Variants in SUGT1 observed in about 807,000 individuals in gnomAD.
SUGT1 encodes the protein SGT1 assembly cochaperone of MIS12 kinetochore complex.
Under a neutral mutation model 56.1 loss-of-function variants are expected in SUGT1, and 15 were observed. That is an observed-to-expected ratio of 0.27 (90% CI 0.18 to 0.41). SUGT1 has a LOEUF of 0.41. SUGT1 is among the 10% of genes least tolerant of loss of function. The pLI, the probability that SUGT1 is intolerant of heterozygous loss-of-function variation, is 1.00. For missense variants in SUGT1, 347 were observed against 382.2 expected (o/e 0.91, Z 0.77); for synonymous variants, 123 against 128.6 (o/e 0.96, Z 0.30).
At chr13:52,661,217 T>C (rs773919218) in intron 5 of SUGT1, among the ~76,000 whole-genome samples, 9 of 152,252 alleles carry the variant, frequency 5.9e-5, no homozygotes, top group Non-Finnish European at 1.0e-4. Context: ...GTAAAATTGC[T>C]GTTGAGGATA....
chr13:52,658,594 T>G, intron 4 of SUGT1, 126 bp downstream of exon 4: 1 of 803,618 alleles, frequency 1.2e-6, no homozygotes, highest in Non-Finnish European at 1.8e-6. Flanking sequence ...ATAGCAGAGA[T>G]ATGATTCAAT....
chr13:52,672,545 A>G (rs1336298831), intron 10 of SUGT1, among the ~76,000 whole-genome samples: 1 of 152,220 alleles, frequency 6.6e-6, no homozygotes, highest in Non-Finnish European at 1.5e-5. Flanking sequence ...TTTTCAGACA[A>G]AGGAATTTGA....
In SUGT1 at chr13:52,680,114, G is replaced by A. The variant is rs968884056; in HGVS notation, c.859G>A (p.Asp287Asn). ...LNRLFQQIYS[D>N]GSDEVKRAMN... The stretch of plus-strand genomic sequence containing the variant: ...CAGATTATTTCAGCAGATCTATTCA[G>A]ATGGTTCTGATGAAGTGAAACGTGC... Residue 287 changes from aspartate (D) to asparagine (N), a missense_variant, in exon 12 of 13, where the codon GAT becomes AAT. Physicochemically the swap from Asp to Asn is conservative, Grantham distance 23. Transcript: ENST00000310528. 9 of 1,591,486 alleles carry A rather than the reference G, an allele frequency of 5.7e-6. No homozygotes were observed. The highest frequency in any genetic ancestry group is 7.7e-6 in the Non-Finnish European group (9 of 1,173,702).
intron 10 of SUGT1, among the ~76,000 whole-genome samples, chr13:52,669,641 TA>T (rs2138140248): frequency 6.6e-6 from 1 of 152,340 alleles, no homozygotes; most frequent in East Asian, 1.9e-4. Flanking sequence ...ACTTAGATTC[TA>T]AGGATGTGTC....
At chr13:52,679,624 A>G (rs1963289157) in intron 11 of SUGT1, among the ~76,000 whole-genome samples, 1 of 152,194 alleles carries the variant, frequency 6.6e-6, no homozygotes, top group African/African-American at 2.4e-5. Flanking sequence ...TGTCTCTGCA[A>G]CTTTTCTGAA....
chr13:52,670,619 C>T (rs1388344711), intron 10 of SUGT1, among the ~76,000 whole-genome samples: 1 of 152,132 alleles, frequency 6.6e-6, no homozygotes, highest in Non-Finnish European at 1.5e-5. Context: ...ACAGCCTGGT[C>T]AACTTGGTGA....
intron 2 of SUGT1, among the ~76,000 whole-genome samples, chr13:52,653,506 T>A (rs1566171163): frequency 6.6e-6 from 1 of 152,228 alleles, no homozygotes; most frequent in Non-Finnish European, 1.5e-5. Context: ...GAAGTCAGTC[T>A]ACTGGAGCAA....
chr13:52,686,321 T>C (rs1963588241), intron 12 of SUGT1, among the ~76,000 whole-genome samples: 1 of 152,224 alleles, frequency 6.6e-6, no homozygotes, highest in Non-Finnish European at 1.5e-5. Context: ...AGAACTACGA[T>C]ATGAATATTA....
rs1373416910 is a variant in SUGT1 at position 52,694,320 on chromosome 13, C to A, written c.*6485C>A. The A allele has an allele frequency of 1.3e-5, 2 of 152,114 alleles. No homozygotes were observed. Among genetic ancestry groups the A allele is most frequent in the African/African-American group, 4.8e-5 (2 of 41,428 alleles). 9.4% of individuals were successfully genotyped at this position (152,114 alleles called of 1,614,324 possible). ...GTTCAGTCTTTCAAGATGTGGAATT[C>A]TGTCTGAGGAAAGTATATCACCTAG... On this transcript the variant is annotated 3_prime_UTR_variant, in exon 13 of 13. Transcript: ENST00000310528.
At chr13:52,659,733 T>C (rs1291632304) in intron 5 of SUGT1, among the ~76,000 whole-genome samples, 1 of 146,318 alleles carries the variant, frequency 6.8e-6, no homozygotes, top group Non-Finnish European at 1.5e-5. Flanking sequence ...AGGGAATATA[T>C]GAAAAGTATC....
At chr13:52,670,838 C>G (rs775374449) in intron 10 of SUGT1, among the ~76,000 whole-genome samples, 1 of 152,062 alleles carries the variant, frequency 6.6e-6, no homozygotes, top group Admixed American at 6.6e-5. Flanking sequence ...AATTAGAATT[C>G]TCAGTCTTTT....
chr13:52,698,890 A>T lies in SUGT1; in HGVS notation c.*11055A>T, dbSNP rs1241693890. On this transcript the variant is annotated 3_prime_UTR_variant, in exon 13 of 13. Coordinates refer to ENST00000310528, the MANE Select transcript of SUGT1 (RefSeq NM_006704.5). ...CTTATTTTTAAAAATGTAGACCTTC[A>T]TTACTTTCCTCCTGAGATTTTGAAT... 1 of 152,170 alleles carries T rather than the reference A, an allele frequency of 6.6e-6. No individual in the cohort carries two copies. Among genetic ancestry groups the T allele is most frequent in the Admixed American group, 6.5e-5 (1 of 15,270 alleles). The allele number at this position is 152,170 out of a possible 1,614,324, so 9.4% of individuals were successfully genotyped here.
chr13:52,654,288 A>T (rs1962056966), intron 2 of SUGT1, among the ~76,000 whole-genome samples: 2 of 152,166 alleles, frequency 1.3e-5, no homozygotes, highest in African/African-American at 4.8e-5. Context: ...TTTCTCCATA[A>T]TTTCTTGTAT....
chr13:52,681,252 C>CAA (rs530162235), intron 12 of SUGT1, among the ~76,000 whole-genome samples: 29 of 97,872 alleles, frequency 3.0e-4, no homozygotes, highest in African/African-American at 7.6e-4. Flanking sequence ...CCTATCTCTA[C>CAA]AAAAAAAAAA....
At position 52,697,663 on chromosome 13, in the gene SUGT1, C is replaced by T. The variant is rs1310203692; in HGVS notation, c.*9828C>T. 2 of 152,092 alleles carry T rather than the reference C, an allele frequency of 1.3e-5. No homozygotes were observed. The highest frequency in any genetic ancestry group is 2.9e-5 in the Non-Finnish European group (2 of 68,026). The allele number at this position is 152,092 out of a possible 1,614,324, so 9.4% of individuals were successfully genotyped here. On this transcript the variant is annotated 3_prime_UTR_variant, in exon 13 of 13. Transcript: ENST00000310528. ...TAAACAGTATCAACACCGTTGAGGC[C>T]CTTCAAGTCTTTGCAGTCAAAAGCC...
At chr13:52,662,989 A>G in intron 6 of SUGT1, 107 bp from the exon 7 acceptor site, 1 of 1,260,896 alleles carries the variant, frequency 7.9e-7, no homozygotes. Flanking sequence ...AAAGGTACGG[A>G]GAATTTGCTT....
In SUGT1 at chr13:52,692,440, C is replaced by G. The variant is rs1963809354; in HGVS notation, c.*4605C>G. 3.1e-5 allele frequency: 1 copy of G among 31,806 alleles called. No individual in the cohort carries two copies. The highest frequency in any genetic ancestry group is 1.4e-4 in the African/African-American group (1 of 6,952). The allele number at this position is 31,806 out of a possible 1,614,324, so 2.0% of individuals were successfully genotyped here. On this transcript the variant is annotated 3_prime_UTR_variant, in exon 13 of 13. Coordinates refer to ENST00000310528, the MANE Select transcript of SUGT1 (RefSeq NM_006704.5). ...TTTTTTTTTTTTTTTGAGACAGTCT[C>G]ACTCTGTCGTTCAGGGAAGGAATGC...
At chr13:52,667,128 G>T (rs1962739903) in intron 10 of SUGT1, among the ~76,000 whole-genome samples, 1 of 152,084 alleles carries the variant, frequency 6.6e-6, no homozygotes, top group African/African-American at 2.4e-5. Context: ...TAGAGTGTGT[G>T]GCATTTGTGT....
At chr13:52,657,253 G>A (rs572238709) in intron 2 of SUGT1, among the ~76,000 whole-genome samples, 1 of 152,240 alleles carries the variant, frequency 6.6e-6, no homozygotes, top group East Asian at 1.9e-4. Context: ...GAATATATGA[G>A]CTGATAATAA....
Sources: allele counts gnomAD v4.1 joint callset (sites outside exome capture counted in the v4.1 genomes callset), GRCh38; gene constraint gnomAD v4.1.1; transcripts MANE v1.5; gene names NCBI Gene and HGNC (gene_info 2026-07-23, HGNC 2026-07-21).